Variants in MARCKS observed in about 807,000 individuals in gnomAD.
MARCKS encodes the protein myristoylated alanine-rich C-kinase substrate.
A neutral mutation model predicts 6.3 loss-of-function variants in MARCKS; 4 were observed. That is an observed-to-expected ratio of 0.63 (90% CI 0.31 to 1.45). The LOEUF is 1.45. Among genes scored for constraint, MARCKS ranks in the 40% most tolerant of loss-of-function variants. The pLI, the probability that MARCKS is intolerant of heterozygous loss-of-function variation, is 0.07. For synonymous variants in MARCKS, 289 were observed against 236.5 expected (o/e 1.22, Z -2.04); for missense variants, 636 against 485.7 (o/e 1.31, Z -2.91).
At position 113,860,438 on chromosome 6, in the gene MARCKS, G is replaced by A; in HGVS notation, c.858G>A (p.Gly286=). The change falls in exon 2 of 2, where the codon GGG becomes GGA. Residue 286 remains glycine, a synonymous_variant. Transcript: ENST00000612661. ...CCTGCGAGGCCCCCTCCGCCGCCGG[G>A]CCCGGCGCGCCCCCGGAGCAGGAGG... ...AAACEAPSAA[G]PGAPPEQEAA... is the part of the protein sequence containing the mutation. 3 of 1,183,152 alleles carry A rather than the reference G, an allele frequency of 2.5e-6. No homozygotes were observed. The highest frequency in any genetic ancestry group is 3.2e-6 in the Non-Finnish European group (3 of 946,166). The allele number at this position is 1,183,152 out of a possible 1,614,324, so 73.3% of individuals were successfully genotyped here. A position where few individuals can be genotyped will look rare whatever the true frequency, so the allele number is the denominator to read the frequency against.
At position 113,860,350 on chromosome 6, in the gene MARCKS, C is replaced by G; in HGVS notation, c.770C>G (p.Ala257Gly). 7.7e-7 allele frequency: 1 copy of G among 1,306,250 alleles called. No individual in the cohort carries two copies. Among genetic ancestry groups the G allele is most frequent in the Non-Finnish European group, 1.0e-6 (1 of 1,001,832 alleles). 80.9% of individuals were successfully genotyped at this position (1,306,250 alleles called of 1,614,324 possible). Residue 257 changes from alanine to glycine, a missense_variant, in exon 2 of 2, where the codon GCC becomes GGC. Ala to Gly is a moderately conservative substitution (Grantham distance 60). Coordinates refer to ENST00000612661, the MANE Select transcript of MARCKS (RefSeq NM_002356.7). The stretch of plus-strand genomic sequence containing the variant: ...CCGCCCGCCAGCGACGAGACCAAGG[C>G]CGCCGAGGAGCCCAGCAAGGTGGAG... ...EKPPASDETK[A>G]AEEPSKVEEK...
chr6:113,859,911 G>A lies in MARCKS; in HGVS notation c.331G>A (p.Gly111Ser), dbSNP rs532832793. Residue 111 changes from glycine (G) to serine (S), a missense_variant, in exon 2 of 2, where the codon GGC becomes AGC. Gly to Ser is a moderately conservative substitution (Grantham distance 56). Transcript: ENST00000612661. ...SPVEKEAPAE[G>S]EAAEPGSPTA... Reference sequence around the variant, plus strand: ...GGTAGAGAAGGAGGCCCCCGCGGAAGGCGAGGCTGCCGAGCCCGGCTCGCC... The same window carrying A: ...GGTAGAGAAGGAGGCCCCCGCGGAAAGCGAGGCTGCCGAGCCCGGCTCGCC... The A allele has an allele frequency of 9.6e-6, 14 of 1,455,208 alleles. No homozygotes were observed. The highest frequency in any genetic ancestry group is 9.0e-5 in the South Asian group (7 of 77,720). 90.1% of individuals were successfully genotyped at this position (1,455,208 alleles called of 1,614,324 possible).
At position 113,861,194 on chromosome 6, in the gene MARCKS, T is replaced by TA. The variant is rs549493672; in HGVS notation, c.*628dup. Reference sequence around the variant, plus strand: ...AAGAAAAAACACCAATACCCAGATTTAAAAAAAAAAAAACGATCATAGTCT... The same window carrying TA: ...AAGAAAAAACACCAATACCCAGATTTAAAAAAAAAAAAAACGATCATAGTCT... On this transcript the variant is annotated 3_prime_UTR_variant, in exon 2 of 2. Transcript: ENST00000612661. 0.032 allele frequency: 4,447 copies of TA among 138,254 alleles called. 101 individuals are homozygous for TA. The highest frequency in any genetic ancestry group is 0.047 in the Non-Finnish European group (2,944 of 63,302). The allele number at this position is 138,254 out of a possible 1,614,324, so 8.6% of individuals were successfully genotyped here. A position where few individuals can be genotyped will look rare whatever the true frequency, so the allele number is the denominator to read the frequency against.
At position 113,860,601 on chromosome 6, in the gene MARCKS, A is replaced by G. The variant is rs1224821554; in HGVS notation, c.*22A>G. ...GTAAAAGAGCAAGCTTTTGTGAGATAATCGAAGAACTTTTCTCCCCCGTTT... is the reference window on the plus strand; with the variant it reads ...GTAAAAGAGCAAGCTTTTGTGAGATGATCGAAGAACTTTTCTCCCCCGTTT... On this transcript the variant is annotated 3_prime_UTR_variant, in exon 2 of 2. Transcript: ENST00000612661. 6.6e-7 allele frequency: 1 copy of G among 1,511,738 alleles called. No homozygotes were observed. The highest frequency in any genetic ancestry group is 2.7e-5 in the East Asian group (1 of 36,686). 93.6% of individuals were successfully genotyped at this position (1,511,738 alleles called of 1,614,324 possible).
At position 113,857,612 on chromosome 6, in the gene MARCKS, C is replaced by G; in HGVS notation, c.-134C>G. 2.7e-6 allele frequency: 1 copy of G among 376,298 alleles called. No homozygotes were observed. Among genetic ancestry groups the G allele is most frequent in the Non-Finnish European group, 5.1e-6 (1 of 196,732 alleles). The allele number at this position is 376,298 out of a possible 1,614,324, so 23.3% of individuals were successfully genotyped here. A position where few individuals can be genotyped will look rare whatever the true frequency, so the allele number is the denominator to read the frequency against. On this transcript the variant is annotated 5_prime_UTR_variant, in exon 1 of 2. Coordinates refer to ENST00000612661, the MANE Select transcript of MARCKS (RefSeq NM_002356.7). ...TGTCCTCTCCACCACCCCCACCCCC[C>G]TCCCTCCGGTGTGTGTGCCGCTGCC...
chr6:113,857,638 G>A lies in MARCKS; in HGVS notation c.-108G>A. On this transcript the variant is annotated 5_prime_UTR_variant, in exon 1 of 2. Coordinates refer to ENST00000612661, the MANE Select transcript of MARCKS (RefSeq NM_002356.7). ...TCCCTCCGGTGTGTGTGCCGCTGCC[G>A]CTGTTGCCGCCGCCGCTGCTGCTGC... The A allele has an allele frequency of 1.9e-6, 1 of 525,648 alleles. No homozygotes were observed. Among genetic ancestry groups the A allele is most frequent in the Non-Finnish European group, 3.2e-6 (1 of 312,960 alleles). 32.6% of individuals were successfully genotyped at this position (525,648 alleles called of 1,614,324 possible). A position where few individuals can be genotyped will look rare whatever the true frequency, so the allele number is the denominator to read the frequency against.
rs1422915385 is a variant in MARCKS, at chr6:113,859,813, G to A, written c.233G>A (p.Gly78Glu). 3 of 1,320,292 alleles carry A rather than the reference G, an allele frequency of 2.3e-6. No homozygotes were observed. The highest frequency in any genetic ancestry group is 3.3e-5 in the East Asian group (1 of 30,306). The allele number at this position is 1,320,292 out of a possible 1,614,324, so 81.8% of individuals were successfully genotyped here. ...GAGGAGCCCGCGGCCGCCGGGAGCGGGGCGGCGTCGCCCTCCGCGGCCGAG... is the reference window on the plus strand; with the variant it reads ...GAGGAGCCCGCGGCCGCCGGGAGCGAGGCGGCGTCGCCCTCCGCGGCCGAG... ...DKEEPAAAGSGAASPSAAEKG... is the reference protein window; with the variant it reads ...DKEEPAAAGSEAASPSAAEKG... Residue 78 changes from glycine (G) to glutamate (E), a missense_variant, in exon 2 of 2, where the codon GGG becomes GAG. Gly to Glu is a moderately conservative substitution (Grantham distance 98). Coordinates refer to ENST00000612661, the MANE Select transcript of MARCKS (RefSeq NM_002356.7).
chr6:113,859,609 C>G, intron 1 of MARCKS, 74 bp from the exon 2 acceptor site: 5 of 1,299,570 alleles, frequency 3.8e-6, no homozygotes, highest in Non-Finnish European at 5.0e-6. Context: ...GGGGCACTCC[C>G]GGTCCAGGGC....
In MARCKS at chr6:113,860,122, G is replaced by T; in HGVS notation, c.542G>T (p.Gly181Val). ...FKKNKKEAGEGGEAEAPAAEG... is the reference protein window; with the variant it reads ...FKKNKKEAGEVGEAEAPAAEG... ...AAGAACAAGAAGGAGGCTGGAGAAG[G>T]CGGTGAGGCTGAGGCGCCCGCTGCC... is the stretch of plus-strand genomic sequence containing the variant. Residue 181 changes from glycine (G) to valine (V), a missense_variant, in exon 2 of 2, where the codon GGC becomes GTC. Physicochemically the swap from Gly to Val is moderately radical, Grantham distance 109 (BLOSUM62 -3). Transcript: ENST00000612661. 1.3e-6 allele frequency: 2 copies of T among 1,540,134 alleles called. No homozygotes were observed. The highest frequency in any genetic ancestry group is 1.8e-6 in the Non-Finnish European group (2 of 1,142,044).
Position 113,859,726 on chromosome 6 carries a change from CCGCCGAGTCGGG to C in MARCKS, c.151_162del (p.Glu51_Ala54del). The C allele has an allele frequency of 6.7e-7, 1 of 1,502,252 alleles. No homozygotes were observed. The allele number at this position is 1,502,252 out of a possible 1,614,324, so 93.1% of individuals were successfully genotyped here. On this transcript the variant is annotated inframe_deletion, in exon 2 of 2. Transcript: ENST00000612661. ...GTAAACGGCGACGCTTCGCCCGCGG[CCGCCGAGTCGGG>C]CGCCAAGGAGGAGCTGCAGGCCAAC...
In MARCKS at chr6:113,859,833, G is replaced by T; in HGVS notation, c.253G>T (p.Ala85Ser). The change falls in exon 2 of 2, where the codon GCC (alanine) becomes TCC (serine). Residue 85 changes from alanine (A) to serine (S), a missense_variant. Physicochemically the swap from Ala to Ser is moderately conservative, Grantham distance 99. Transcript: ENST00000612661. Reference sequence around the variant, plus strand: ...GAGCGGGGCGGCGTCGCCCTCCGCGGCCGAGAAAGGTGAGCCGGCCGCCGC... The same window carrying T: ...GAGCGGGGCGGCGTCGCCCTCCGCGTCCGAGAAAGGTGAGCCGGCCGCCGC... ...AGSGAASPSA[A>S]EKGEPAAAAA... 1 of 1,291,028 alleles carries T rather than the reference G, an allele frequency of 7.7e-7. No individual in the cohort carries two copies. The highest frequency in any genetic ancestry group is 9.8e-7 in the Non-Finnish European group (1 of 1,021,458). 80.0% of individuals were successfully genotyped at this position (1,291,028 alleles called of 1,614,324 possible).
Position 113,859,965 on chromosome 6 carries a change from G to C in MARCKS, c.385G>C (p.Ala129Pro), listed in dbSNP as rs746357704. 5 of 1,523,424 alleles carry C rather than the reference G, an allele frequency of 3.3e-6. No homozygotes were observed. Among genetic ancestry groups the C allele is most frequent in the Non-Finnish European group, 8.8e-7 (1 of 1,142,830 alleles). The allele number at this position is 1,523,424 out of a possible 1,614,324, so 94.4% of individuals were successfully genotyped here. A position where few individuals can be genotyped will look rare whatever the true frequency, so the allele number is the denominator to read the frequency against. Reference protein sequence around the residue: ...PTAAEGEAASAASSTSSPKAE... With the variant: ...PTAAEGEAASPASSTSSPKAE... ...GGCCGCGGAGGGAGAGGCCGCGTCGGCCGCCTCCTCGACTTCTTCGCCCAA... is the reference window on the plus strand; with the variant it reads ...GGCCGCGGAGGGAGAGGCCGCGTCGCCCGCCTCCTCGACTTCTTCGCCCAA... The change falls in exon 2 of 2, where the codon GCC becomes CCC. Residue 129 changes from alanine to proline, a missense_variant. Coordinates refer to ENST00000612661, the MANE Select transcript of MARCKS (RefSeq NM_002356.7).
At position 113,860,102 on chromosome 6, in the gene MARCKS, CAAG is replaced by C. The variant is rs778581492; in HGVS notation, c.526_528del (p.Lys176del). On this transcript the variant is annotated inframe_deletion, in exon 2 of 2. Coordinates refer to ENST00000612661, the MANE Select transcript of MARCKS (RefSeq NM_002356.7). ...TGAGCGGCTTCTCCTTCAAGAAGAA[CAAG>C]AAGGAGGCTGGAGAAGGCGGTGAGG... 2 of 1,562,108 alleles carry C rather than the reference CAAG, an allele frequency of 1.3e-6. No individual in the cohort carries two copies. Among genetic ancestry groups the C allele is most frequent in the Non-Finnish European group, 1.7e-6 (2 of 1,154,006 alleles).
At position 113,860,441 on chromosome 6, in the gene MARCKS, C is replaced by T. The variant is rs1336375470; in HGVS notation, c.861C>T (p.Pro287=). 1.7e-6 allele frequency: 2 copies of T among 1,192,394 alleles called. No individual in the cohort carries two copies. Among genetic ancestry groups the T allele is most frequent in the Admixed American group, 4.9e-5 (1 of 20,618 alleles). 73.9% of individuals were successfully genotyped at this position (1,192,394 alleles called of 1,614,324 possible). ...AACEAPSAAG[P]GAPPEQEAAP... is the part of the protein sequence containing the mutation. ...GCGAGGCCCCCTCCGCCGCCGGGCC[C>T]GGCGCGCCCCCGGAGCAGGAGGCAG... Residue 287 remains proline (P), a synonymous_variant, in exon 2 of 2, where the codon CCC becomes CCT. Transcript: ENST00000612661.
Position 113,859,995 on chromosome 6 carries a change from G to C in MARCKS, c.415G>C (p.Glu139Gln), listed in dbSNP as rs762954558. 7.1e-6 allele frequency: 11 copies of C among 1,559,812 alleles called. No individual in the cohort carries two copies. The Admixed American group carries it at 1.3e-4, about 18-fold the overall frequency. The stretch of plus-strand genomic sequence containing the variant: ...CTCCTCGACTTCTTCGCCCAAGGCC[G>C]AGGACGGGGCCACGCCCTCGCCCAG... ...AASSTSSPKA[E>Q]DGATPSPSNE... The change falls in exon 2 of 2, where the codon GAG (glutamate) becomes CAG (glutamine). Residue 139 changes from glutamate to glutamine, a missense_variant. Coordinates refer to ENST00000612661, the MANE Select transcript of MARCKS (RefSeq NM_002356.7).
rs182598859 is a variant in MARCKS at position 113,860,587 on chromosome 6, A to C, written c.*8A>C. ...GCGGAGGCGGCAGAGTAAAAGAGCAAGCTTTTGTGAGATAATCGAAGAACT... is the reference window on the plus strand; with the variant it reads ...GCGGAGGCGGCAGAGTAAAAGAGCACGCTTTTGTGAGATAATCGAAGAACT... On this transcript the variant is annotated 3_prime_UTR_variant, in exon 2 of 2. Coordinates refer to ENST00000612661, the MANE Select transcript of MARCKS (RefSeq NM_002356.7). 2,478 of 1,536,316 alleles carry C rather than the reference A, an allele frequency of 1.6e-3. 5 individuals carry two copies. The highest frequency in any genetic ancestry group is 2.0e-3 in the Non-Finnish European group (2,272 of 1,146,268).
At position 113,860,622 on chromosome 6, in the gene MARCKS, C is replaced by A. The variant is rs746065255; in HGVS notation, c.*43C>A. On this transcript the variant is annotated 3_prime_UTR_variant, in exon 2 of 2. Transcript: ENST00000612661. ...AGATAATCGAAGAACTTTTCTCCCCCGTTTGTTTGTTGGAGTGGTGCCAGG... is the reference window on the plus strand; with the variant it reads ...AGATAATCGAAGAACTTTTCTCCCCAGTTTGTTTGTTGGAGTGGTGCCAGG... The A allele has an allele frequency of 2.9e-5, 42 of 1,444,522 alleles. No homozygotes were observed. The Middle Eastern group carries it at 1.3e-3, about 44-fold the overall frequency. The allele number at this position is 1,444,522 out of a possible 1,614,324, so 89.5% of individuals were successfully genotyped here.
Position 113,860,586 on chromosome 6 carries a change from A to C in MARCKS, c.*7A>C. ...AGCGGAGGCGGCAGAGTAAAAGAGC[A>C]AGCTTTTGTGAGATAATCGAAGAAC... On this transcript the variant is annotated 3_prime_UTR_variant, in exon 2 of 2. Coordinates refer to ENST00000612661, the MANE Select transcript of MARCKS (RefSeq NM_002356.7). The C allele has an allele frequency of 6.5e-7, 1 of 1,544,116 alleles. No homozygotes were observed. Among genetic ancestry groups the C allele is most frequent in the Non-Finnish European group, 8.7e-7 (1 of 1,149,850 alleles).
chr6:113,860,483 C>G lies in MARCKS; in HGVS notation c.903C>G (p.Pro301=). ...PEQEAAPAEE[P]AAAAASSACA... is the part of the protein sequence containing the mutation. ...AGGAGGCAGCCCCCGCGGAGGAGCC[C>G]GCGGCCGCCGCAGCCTCGTCAGCCT... Residue 301 remains proline, a synonymous_variant, in exon 2 of 2, where the codon CCC becomes CCG. Coordinates refer to ENST00000612661, the MANE Select transcript of MARCKS (RefSeq NM_002356.7). 6.7e-7 allele frequency: 1 copy of G among 1,486,992 alleles called. No homozygotes were observed. Among genetic ancestry groups the G allele is most frequent in the Non-Finnish European group, 9.0e-7 (1 of 1,114,834 alleles). 92.1% of individuals were successfully genotyped at this position (1,486,992 alleles called of 1,614,324 possible).
Sources: gnomAD v4.1 joint callset for allele counts on GRCh38, gnomAD v4.1.1 for gene constraint, MANE v1.5 for transcripts, NCBI Gene and HGNC (gene_info 2026-07-23, HGNC 2026-07-21) for gene names.